DAB1: variants seen among roughly 807,000 people sequenced by gnomAD.
DAB1 encodes the protein DAB adaptor protein 1, also known as disabled homolog 1.
A neutral mutation model predicts 64.6 loss-of-function variants in DAB1; 15 were observed. That is an observed-to-expected ratio of 0.23 (90% confidence interval 0.16 to 0.36). DAB1 has a LOEUF of 0.36. Among genes scored for constraint, DAB1 ranks in the 10% least tolerant of loss-of-function variants. DAB1 has a pLI of 1.00. For synonymous variants in DAB1, 235 were observed against 251.9 expected, an observed-to-expected ratio of 0.93 and a Z score of 0.64; for missense variants, 596 against 706.7, an observed-to-expected ratio of 0.84 and a Z score of 1.78.
In DAB1 at chr1:58,155,144, G is replaced by A. The variant is rs573694945; in HGVS notation, n.310-4556C>T. 4.6e-5 allele frequency among the ~76,000 whole-genome samples: 7 copies of A among 152,332 alleles called. No individual in the cohort carries two copies. In the South Asian group the frequency reaches 1.2e-3, roughly 27 times the overall value. On this transcript the variant is annotated intron_variant and non_coding_transcript_variant, in intron 4 of 20. Transcript: ENST00000485760. The stretch of plus-strand genomic sequence containing the variant: ...GCTGGTACTAATGTTACCTAACTGA[G>A]GTGTGACAAAGCTGTCTGCAGGTGT...
intron 3 of DAB1, among the ~76,000 whole-genome samples, chr1:58,495,403 AAAACTT>A (rs1360991620): frequency 6.6e-6 from 1 of 152,160 alleles, no homozygotes; most frequent in Non-Finnish European, 1.5e-5. Context: ...CATGTACCCT[AAAACTT>A]AAAGTATAAT....
chr1:58,376,577 C>G (rs1644328772), intron 3 of DAB1, among the ~76,000 whole-genome samples: 1 of 147,486 alleles, frequency 6.8e-6, no homozygotes, highest in Admixed American at 6.8e-5. Context: ...TTTACATTTG[C>G]TGAGGAGAGC....
chr1:57,969,363 G>C (rs544585981), intron 5 of DAB1, among the ~76,000 whole-genome samples: 13 of 152,084 alleles, frequency 8.5e-5, no homozygotes, highest in African/African-American at 3.1e-4. Flanking sequence ...TATTTTTTGA[G>C]ATAGGATCTC....
At chr1:58,471,925 T>C (rs1414880787) in intron 3 of DAB1, among the ~76,000 whole-genome samples, 1 of 152,198 alleles carries the variant, frequency 6.6e-6, no homozygotes, top group Non-Finnish European at 1.5e-5. Context: ...CTCAGGTATT[T>C]ATTTTAGCAA....
At chr1:58,263,997 T>C (rs1445684323) in intron 4 of DAB1, among the ~76,000 whole-genome samples, 1 of 152,218 alleles carries the variant, frequency 6.6e-6, no homozygotes, top group Non-Finnish European at 1.5e-5. Context: ...TGTGCACTTA[T>C]AATCATGTAC....
intron 5 of DAB1, among the ~76,000 whole-genome samples, chr1:58,127,935 T>G (rs937771270): frequency 6.6e-5 from 10 of 152,180 alleles, no homozygotes; most frequent in African/African-American, 1.9e-4. Context: ...TTGACTTGGC[T>G]ATGCGGGCTC....
rs1438497034 is a variant in DAB1 at position 58,254,405 on chromosome 1, T to TA, written n.309+88946dup. Among the ~76,000 whole-genome samples the TA allele has an allele frequency of 1.4e-3, 213 of 149,670 alleles. 2 individuals carry two copies. The highest frequency in any genetic ancestry group is 4.9e-3 in the African/African-American group (199 of 40,284). ...TTTATTTTTTTTTCTATTTTTTTTT[T>TA]ATTATACTTTAAGTTTTAGGGTACA... On this transcript the variant is annotated intron_variant and non_coding_transcript_variant, in intron 4 of 20. Coordinates refer to the DAB1 transcript ENST00000485760.
chr1:58,202,445 T>C (rs898253540), intron 4 of DAB1, among the ~76,000 whole-genome samples: 4 of 152,188 alleles, frequency 2.6e-5, no homozygotes, highest in Non-Finnish European at 4.4e-5. Context: ...TTTTTTGACA[T>C]TCTCCTGAGA....
chr1:58,074,565 T>TAC (rs1649510677), intron 5 of DAB1: 4 of 4,074 alleles, frequency 9.8e-4, no homozygotes, highest in South Asian at 0.013. Context: ...TATATGTGTG[T>TAC]ATATATATAT....
chr1:57,302,452 A>G (rs1673739814), intron 1 of DAB1, among the ~76,000 whole-genome samples: 1 of 151,598 alleles, frequency 6.6e-6, no homozygotes, highest in African/African-American at 2.4e-5. Flanking sequence ...TCCTGCACTC[A>G]CTCCTTACAC....
intron 7 of DAB1, among the ~76,000 whole-genome samples, chr1:57,540,034 G>C (rs2101445194): frequency 6.6e-6 from 1 of 152,282 alleles, no homozygotes; most frequent in Admixed American, 6.5e-5. Context: ...AGAATAAGTG[G>C]AATGTACATG....
chr1:58,015,436 G>A (rs1201035275), intron 5 of DAB1, among the ~76,000 whole-genome samples: 2 of 151,848 alleles, frequency 1.3e-5, no homozygotes, highest in East Asian at 3.9e-4. Context: ...GCTTTTCTCC[G>A]TGGCCACAAG....
intron 7 of DAB1, among the ~76,000 whole-genome samples, chr1:57,445,067 A>C (rs185957290): frequency 4.0e-4 from 61 of 152,354 alleles, no homozygotes; most frequent in African/African-American, 1.4e-3. Context: ...TTATTAACTT[A>C]TACTGAAATG....
At chr1:58,342,138 CA>C (rs916474602) in intron 4 of DAB1, among the ~76,000 whole-genome samples, 9 of 152,130 alleles carry the variant, frequency 5.9e-5, no homozygotes, top group Non-Finnish European at 8.8e-5. Context: ...TCCGAAATGC[CA>C]AGAGAGACAG....
chr1:58,265,996 A>G (rs1177241427), intron 4 of DAB1, among the ~76,000 whole-genome samples: 2 of 151,634 alleles, frequency 1.3e-5, no homozygotes, highest in Non-Finnish European at 2.9e-5. Context: ...ACTTCAATTT[A>G]TAGGAATTTT....
At chr1:58,070,727 C>T (rs1649184206) in intron 5 of DAB1, among the ~76,000 whole-genome samples, 2 of 152,096 alleles carry the variant, frequency 1.3e-5, no homozygotes, top group African/African-American at 2.4e-5. Context: ...ATGCTGAATC[C>T]GCATCTCTAG....
chr1:58,326,376 G>T (rs960957623), intron 4 of DAB1, among the ~76,000 whole-genome samples: 1 of 152,138 alleles, frequency 6.6e-6, no homozygotes, highest in Non-Finnish European at 1.5e-5. Flanking sequence ...ATTGAGTGCA[G>T]GAGAGGAATT....
chr1:57,689,801 A>C (rs1414679491), intron 6 of DAB1, among the ~76,000 whole-genome samples: 1 of 152,116 alleles, frequency 6.6e-6, no homozygotes, highest in Non-Finnish European at 1.5e-5. Flanking sequence ...AATGTACATT[A>C]AATTATTATT....
At chr1:57,196,117 C>A (rs550172158) in intron 2 of DAB1, among the ~76,000 whole-genome samples, 1 of 152,128 alleles carries the variant, frequency 6.6e-6, no homozygotes, top group African/African-American at 2.4e-5. Context: ...GTTTTGTAAC[C>A]TTGATTGTGG....
Sources: allele counts gnomAD v4.1 joint callset (sites outside exome capture counted in the v4.1 genomes callset), GRCh38; gene constraint gnomAD v4.1.1; transcripts MANE v1.5; gene names NCBI Gene and HGNC (gene_info 2026-07-23, HGNC 2026-07-21).